The following RABGAP1 variants were observed in gnomAD, a reference collection of about 807,000 sequenced individuals.
The protein encoded by RABGAP1 is RAB GTPase activating protein 1, also known as rab GTPase-activating protein 1.
Under a neutral mutation model 137.6 loss-of-function variants are expected in RABGAP1, and 23 were observed. The ratio of observed to expected loss-of-function variants is 0.17; its 90% CI spans 0.12 to 0.24. RABGAP1 has a LOEUF of 0.24. Ranked by LOEUF, RABGAP1 falls within the 10% of genes least tolerant of loss-of-function variation. RABGAP1 has a pLI of 1.00. For missense variants in RABGAP1, 906 were observed against 1,275.8 expected (o/e 0.71, Z 4.42); for synonymous variants, 451 against 450.7 (o/e 1.00, Z -0.01).
intron 13 of RABGAP1, 118 bp from the exon 14 acceptor site, chr9:123,065,230 T>A: frequency 5.8e-6 from 4 of 692,592 alleles, no homozygotes; most frequent in Non-Finnish European, 1.0e-5. Context: ...GGCATACATA[T>A]GTGTATGTAT....
rs573182088 is a variant in RABGAP1, at chr9:123,045,911, C to T, written c.1795-19437C>T. 3.3e-5 allele frequency among the ~76,000 whole-genome samples: 5 copies of T among 152,248 alleles called. No homozygotes were observed. The South Asian group carries it at 8.3e-4, about 25-fold the overall frequency. ...TGTACTTGGGGGCATTGTAGGAACT[C>T]AGTAAAAGATTTCAGCTATTATTTC... On this transcript the variant is annotated intron_variant, in intron 13 of 25. Transcript: ENST00000373647.
intron 13 of RABGAP1, among the ~76,000 whole-genome samples, chr9:123,037,351 G>A (rs992327507): frequency 2.0e-5 from 3 of 152,124 alleles, no homozygotes; most frequent in African/African-American, 2.4e-5. Context: ...TCAAACTTCA[G>A]ATTCTGGGTT....
Position 122,986,239 on chromosome 9 carries a change from C to T in RABGAP1, c.410C>T (p.Thr137Ile), listed in dbSNP as rs1459787894. 6.2e-7 allele frequency: 1 copy of T among 1,614,114 alleles called. No homozygotes were observed. Residue 137 changes from threonine to isoleucine, a missense_variant, in exon 4 of 26, where the codon ACA becomes ATA. Around this residue, in one of 9 missense-constraint regions of RABGAP1, gnomAD observed 331 missense variants for 358.3 expected, o/e 0.92. Coordinates refer to ENST00000373647, the MANE Select transcript of RABGAP1 (RefSeq NM_012197.4). ...GATTCTGAAGCTTCAAGTCCTTTCA[C>T]ACCAGTGGCCGATGAGGACAGCGTA... is the stretch of plus-strand genomic sequence containing the variant. Reference protein sequence around the residue: ...QGDSEASSPFTPVADEDSVVF... With the variant: ...QGDSEASSPFIPVADEDSVVF...
At chr9:122,998,450 T>G (rs1417540004) in intron 9 of RABGAP1, 147 bp from the exon 10 acceptor site, 2 of 650,550 alleles carry the variant, frequency 3.1e-6, no homozygotes, top group Non-Finnish European at 5.0e-6. Flanking sequence ...ACCAGTTATT[T>G]GTCTAGTTAT....
chr9:123,044,743 T>A (rs143072726), intron 13 of RABGAP1, among the ~76,000 whole-genome samples: 1 of 152,020 alleles, frequency 6.6e-6, no homozygotes, highest in African/African-American at 2.4e-5. Context: ...CAAAATGCCA[T>A]GTAGTGTTCA....
intron 25 of RABGAP1, 101 bp from the exon 26 acceptor site, chr9:123,102,990 T>G: frequency 7.0e-7 from 1 of 1,438,684 alleles, no homozygotes; most frequent in Non-Finnish European, 9.2e-7. Flanking sequence ...CCGAGGCCTC[T>G]CCAGAGTAAA....
At chr9:122,997,401 C>T in intron 9 of RABGAP1, 40 bp downstream of exon 9, 5 of 1,458,136 alleles carry the variant, frequency 3.4e-6, no homozygotes, top group Non-Finnish European at 3.7e-6. Flanking sequence ...AAATTTTAGT[C>T]TCAAGAAGAG....
At chr9:123,054,615 A>G (rs1399251397) in intron 13 of RABGAP1, among the ~76,000 whole-genome samples, 1 of 152,096 alleles carries the variant, frequency 6.6e-6, no homozygotes, top group Non-Finnish European at 1.5e-5. Context: ...CTTTATTTAC[A>G]TTTCTTTAGT....
At chr9:123,085,517 A>G (rs2034836720) in intron 19 of RABGAP1, among the ~76,000 whole-genome samples, 1 of 152,216 alleles carries the variant, frequency 6.6e-6, no homozygotes, top group South Asian at 2.1e-4. Context: ...TAAACAGAAC[A>G]AGGATTGAAT....
At chr9:123,060,733 TGCTTGAAATGTCA>T (rs1463987895) in intron 13 of RABGAP1, among the ~76,000 whole-genome samples, 4 of 152,258 alleles carry the variant, frequency 2.6e-5, no homozygotes, top group Non-Finnish European at 5.9e-5. Flanking sequence ...TTTATTTTGC[TGCTTGAAATGTCA>T]GGGACTATAT....
chr9:123,074,231 G>C, intron 16 of RABGAP1, 54 bp from the exon 17 acceptor site: 1 of 1,595,906 alleles, frequency 6.3e-7, no homozygotes. Context: ...AGCCTCCTTA[G>C]TGGGAATTGG....
chr9:123,100,053 G>A (rs573447517), intron 24 of RABGAP1, among the ~76,000 whole-genome samples: 1 of 152,144 alleles, frequency 6.6e-6, no homozygotes, highest in Admixed American at 6.5e-5. Context: ...TGAAATCCTG[G>A]GCTCAAGCGA....
At chr9:122,993,005 A>G (rs1836819870) in intron 6 of RABGAP1, among the ~76,000 whole-genome samples, 1 of 151,716 alleles carries the variant, frequency 6.6e-6, no homozygotes, top group Non-Finnish European at 1.5e-5. Flanking sequence ...TGCAGAAATA[A>G]TCATTGAGGT....
chr9:123,000,321 G>A (rs531312463), intron 10 of RABGAP1, among the ~76,000 whole-genome samples: 1 of 151,998 alleles, frequency 6.6e-6, no homozygotes, highest in African/African-American at 2.4e-5. Flanking sequence ...TGGGTGGGTA[G>A]CAGCTAAAAT....
upstream of RABGAP1, chr9:122,940,859 G>A (rs1441057069): frequency 6.6e-6 from 1 of 152,568 alleles, no homozygotes; most frequent in African/African-American, 2.4e-5. Flanking sequence ...GAAAGCCCAG[G>A]TGGGGCTCGG....
chr9:122,982,641 G>A (rs1836134032), intron 2 of RABGAP1, among the ~76,000 whole-genome samples: 1 of 152,090 alleles, frequency 6.6e-6, no homozygotes, highest in African/African-American at 2.4e-5. Flanking sequence ...GTTCACTTGG[G>A]CTGTCTTTTG....
chr9:123,041,479 C>T (rs551571942), intron 13 of RABGAP1, among the ~76,000 whole-genome samples: 1 of 152,180 alleles, frequency 6.6e-6, no homozygotes, highest in Non-Finnish European at 1.5e-5. Flanking sequence ...TTCTTTGACT[C>T]TAAAGCTTGT....
intron 13 of RABGAP1, among the ~76,000 whole-genome samples, chr9:123,027,051 A>G (rs1389001741): frequency 6.6e-6 from 1 of 152,008 alleles, no homozygotes; most frequent in East Asian, 1.9e-4. Context: ...GCTTTTATCC[A>G]GAAGCAAACT....
the RABGAP1 span, among the ~76,000 whole-genome samples, chr9:122,933,652 A>C: frequency 6.6e-6 from 1 of 151,704 alleles, no homozygotes; most frequent in African/African-American, 2.4e-5. Flanking sequence ...TCTGTGACAG[A>C]GTCTTGCTCT....
Sources: gnomAD v4.1 joint callset for allele counts (sites outside exome capture counted in the v4.1 genomes callset) on GRCh38, gnomAD v4.1.1 for gene constraint, gnomAD v4.1.1 regional missense constraint, MANE v1.5 for transcripts, NCBI Gene and HGNC (gene_info 2026-07-23, HGNC 2026-07-21) for gene names.